C12orf57: variants seen among roughly 807,000 people sequenced by gnomAD.
C12orf57 encodes chromosome 12 open reading frame 57.
C12orf57 carries 14 observed loss-of-function variants against 11.3 expected under a neutral mutation model. That is an observed-to-expected ratio of 1.24 (90% CI 0.82 to 1.94). C12orf57 has a LOEUF of 1.94. Among genes scored for constraint, C12orf57 ranks in the 30% most tolerant of loss-of-function variants. The pLI is 0.00. For missense variants in C12orf57, 229 were observed against 172.4 expected (o/e 1.33, Z -1.84); for synonymous variants, 100 against 74.6 (o/e 1.34, Z -1.76).
chr12:6,943,848 A>G (rs782368655), upstream of C12orf57: 30 of 899,162 alleles, frequency 3.3e-5, no homozygotes, highest in Admixed American at 3.8e-4. Flanking sequence ...TTTGTCTAGT[A>G]GGCTTTCTGG....
At chr12:6,943,938 T>A (rs781819270), upstream of C12orf57, 11 of 1,404,672 alleles carry the variant, frequency 7.8e-6, no homozygotes, top group South Asian at 1.3e-5. Flanking sequence ...ATGGGTAGTT[T>A]TGGTGGTCTT....
intron 1 of C12orf57, 131 bp from the exon 2 acceptor site, chr12:6,944,345 C>T: frequency 6.4e-7 from 1 of 1,557,596 alleles, no homozygotes; most frequent in Non-Finnish European, 8.7e-7. Context: ...GGGCGCTTGC[C>T]CCCAAGACTT....
upstream of C12orf57, chr12:6,944,004 CTGCGCCGGA>C (rs1591672765): frequency 2.1e-5 from 34 of 1,594,972 alleles, no homozygotes; most frequent in Non-Finnish European, 2.7e-5. Context: ...GCGCTTCCGG[CTGCGCCGGA>C]TGCTGTTTCC....
rs200840884 is a variant in C12orf57 at position 6,944,108 on chromosome 12, G to A, written c.-14G>A. 1.8e-5 allele frequency: 29 copies of A among 1,614,094 alleles called. No homozygotes were observed. The highest frequency in any genetic ancestry group is 4.5e-5 in the East Asian group (2 of 44,904). On this transcript the variant is annotated 5_prime_UTR_variant, in exon 1 of 3. Transcript: ENST00000229281. ...TCCATTTACCTCCGCTGAACCTAGA[G>A]CTTCAGACGCCCTATGGCGTCCGCC...
upstream of C12orf57, chr12:6,943,963 C>G (rs782224023): frequency 1.7e-4 from 267 of 1,540,036 alleles, no homozygotes; most frequent in Non-Finnish European, 2.2e-4. Context: ...CAGTTGTAAG[C>G]TTGGGGTATG....
intron 1 of C12orf57, 31 bp from the exon 2 acceptor site, chr12:6,944,445 G>C: frequency 6.2e-7 from 1 of 1,604,146 alleles, no homozygotes; most frequent in Non-Finnish European, 8.5e-7. Flanking sequence ...GCCTACCCGG[G>C]ACGCCTCCCT....
At chr12:6,945,368 G>C (rs967284828) in intron 2 of C12orf57, among the ~76,000 whole-genome samples, 2 of 152,128 alleles carry the variant, frequency 1.3e-5, no homozygotes, top group Non-Finnish European at 2.9e-5. Context: ...TTTTGTTTGG[G>C]GGGGGTTGGT....
upstream of C12orf57, chr12:6,944,014 T>G (rs1233224492): frequency 1.0e-5 from 16 of 1,603,254 alleles, no homozygotes; most frequent in Admixed American, 3.4e-5. Flanking sequence ...CTGCGCCGGA[T>G]GCTGTTTCCT....
chr12:6,944,622 A>C lies in C12orf57; in HGVS notation c.199A>C (p.Lys67Gln). Residue 67 changes from lysine to glutamine, a missense_variant, in exon 2 of 3, where the codon AAA becomes CAA. Physicochemically the swap from Lys to Gln is moderately conservative, Grantham distance 53. Transcript: ENST00000229281. ...CACGCAGATCCAGCAGGAGGTTATC[A>C]AAGCCTATGGCTTCAGCTGCGACGG... ...VATQIQQEVI[K>Q]AYGFSCDGEG... The C allele has an allele frequency of 6.2e-7, 1 of 1,614,052 alleles. No individual in the cohort carries two copies. Among genetic ancestry groups the C allele is most frequent in the Non-Finnish European group, 8.5e-7 (1 of 1,179,934 alleles).
In C12orf57 at chr12:6,944,051, GTTGTAGGACGTGGCTCTTTAT is replaced by G; in HGVS notation, c.-69_-49del. Reference sequence around the variant, plus strand: ...TCCGCTCCCAGGGGCGTTGGGAACGGTTGTAGGACGTGGCTCTTTATTCGTGAGTTTTCCATTTACCTCCGC... The same window carrying G: ...TCCGCTCCCAGGGGCGTTGGGAACGGTCGTGAGTTTTCCATTTACCTCCGC... On this transcript the variant is annotated 5_prime_UTR_variant, in exon 1 of 3. Transcript: ENST00000229281. The G allele has an allele frequency of 3.1e-6, 5 of 1,612,488 alleles. No homozygotes were observed. Among genetic ancestry groups the G allele is most frequent in the Non-Finnish European group, 4.2e-6 (5 of 1,179,794 alleles).
In C12orf57 at chr12:6,944,071, A is replaced by T. The variant is rs782530154; in HGVS notation, c.-51A>T. ...GAACGGTTGTAGGACGTGGCTCTTT[A>T]TTCGTGAGTTTTCCATTTACCTCCG... On this transcript the variant is annotated 5_prime_UTR_variant, in exon 1 of 3. Coordinates refer to ENST00000229281, the MANE Select transcript of C12orf57 (RefSeq NM_138425.4). 2.5e-6 allele frequency: 4 copies of T among 1,613,414 alleles called. No individual in the cohort carries two copies. Among genetic ancestry groups the T allele is most frequent in the African/African-American group, 1.3e-5 (1 of 74,886 alleles).
chr12:6,943,837 A>G (rs965213031), upstream of C12orf57: 39 of 872,832 alleles, frequency 4.5e-5, no homozygotes, highest in South Asian at 1.3e-4. Flanking sequence ...CTCTTTTAGA[A>G]TTTGTCTAGT....
upstream of C12orf57, chr12:6,943,980 T>TA (rs782506403): frequency 1.6e-4 from 250 of 1,575,786 alleles, 1 homozygote; most frequent in South Asian, 4.6e-5. Flanking sequence ...TATGAAGGTT[T>TA]GGGCCACGCC....
chr12:6,943,867 C>A (rs149374821), upstream of C12orf57: 11 of 939,242 alleles, frequency 1.2e-5, no homozygotes, highest in East Asian at 1.2e-4. Flanking sequence ...GGCTTTTTAC[C>A]GGAAAGCCCC....
chr12:6,943,863 T>G, upstream of C12orf57: 1 of 938,970 alleles, frequency 1.1e-6, no homozygotes, highest in Non-Finnish European at 1.5e-6. Flanking sequence ...TTCTGGCTTT[T>G]TACCGGAAAG....
At chr12:6,943,906 T>G (rs781800506), upstream of C12orf57, 10 of 1,156,980 alleles carry the variant, frequency 8.6e-6, no homozygotes, top group South Asian at 1.5e-5. Flanking sequence ...CAATGATAGA[T>G]TGTTTTCACT....
At chr12:6,943,918 T>C (rs367679621), upstream of C12orf57, 18 of 1,265,592 alleles carry the variant, frequency 1.4e-5, no homozygotes, top group African/African-American at 1.8e-4. Flanking sequence ...GTTTTCACTG[T>C]GCAAAAATTA....
Position 6,944,070 on chromosome 12 carries a change from T to TA in C12orf57, c.-51dup. 1 of 1,613,722 alleles carries TA rather than the reference T, an allele frequency of 6.2e-7. No homozygotes were observed. The highest frequency in any genetic ancestry group is 8.5e-7 in the Non-Finnish European group (1 of 1,179,922). On this transcript the variant is annotated 5_prime_UTR_variant, in exon 1 of 3. Coordinates refer to ENST00000229281, the MANE Select transcript of C12orf57 (RefSeq NM_138425.4). The stretch of plus-strand genomic sequence containing the variant: ...GGAACGGTTGTAGGACGTGGCTCTT[T>TA]ATTCGTGAGTTTTCCATTTACCTCC...
chr12:6,943,815 G>A (rs61917871), upstream of C12orf57: 35,700 of 842,698 alleles, frequency 0.042, 942 homozygotes, highest in Non-Finnish European at 0.051. Context: ...CACATACGCA[G>A]CAGTGTTACA....
Sources: gnomAD v4.1 joint callset for allele counts (sites outside exome capture counted in the v4.1 genomes callset) on GRCh38, gnomAD v4.1.1 for gene constraint, MANE v1.5 for transcripts, NCBI Gene and HGNC (gene_info 2026-07-23, HGNC 2026-07-21) for gene names.